DDX11: variants seen among roughly 807,000 people sequenced by gnomAD.
DDX11 encodes the protein DEAD/H-box helicase 11, also known as ATP-dependent DNA helicase DDX11.
Under a neutral mutation model 125.2 loss-of-function variants are expected in DDX11, and 72 were observed. The ratio of observed to expected loss-of-function variants is 0.58; its 90% CI spans 0.48 to 0.70. The LOEUF (loss-of-function observed/expected upper bound fraction) is 0.70. Among genes scored for constraint, DDX11 ranks in the 30% least tolerant of loss-of-function variants. The pLI is 0.00. For synonymous variants in DDX11, 347 were observed against 452.6 expected (o/e 0.77, Z 2.96); for missense variants, 883 against 1,165.0 (o/e 0.76, Z 3.52).
rs1242913571 is a variant in DDX11, at chr12:31,078,159, G to A, written c.-4-231G>A. The A allele has an allele frequency of 3.5e-6, 5 of 1,441,166 alleles. No individual in the cohort carries two copies. In the Admixed American group the frequency reaches 6.2e-5, roughly 18 times the overall value. The allele number at this position is 1,441,166 out of a possible 1,614,324, so 89.3% of individuals were successfully genotyped here. A position where few individuals can be genotyped will look rare whatever the true frequency, so the allele number is the denominator to read the frequency against. On this transcript the variant is annotated intron_variant, in intron 1 of 26. Transcript: ENST00000542838. The stretch of plus-strand genomic sequence containing the variant: ...GGAGATTGGGTTTAGGGGCTTTCCT[G>A]GTCTGCATTCTGCTACAGCCGTTAA...
intron 10 of DDX11, among the ~76,000 whole-genome samples, chr12:31,092,245 C>G (rs2075320): frequency 1.3e-5 from 2 of 151,352 alleles, no homozygotes; most frequent in Non-Finnish European, 2.9e-5. Flanking sequence ...TCAAGATCAG[C>G]GCAGGCTCCT....
Position 31,102,179 on chromosome 12 carries a change from A to C in DDX11, c.2203-64A>C, listed in dbSNP as rs569245331. The C allele has an allele frequency of 1.1e-5, 17 of 1,567,240 alleles. No homozygotes were observed. In the African/African-American group the frequency reaches 2.3e-4, roughly 21 times the overall value. ...TCCCCTGGCCAGAAAACACAAGGCCACGAGCAGACTCGAGACCTGGCACCC... is the reference window on the plus strand; with the variant it reads ...TCCCCTGGCCAGAAAACACAAGGCCCCGAGCAGACTCGAGACCTGGCACCC... On this transcript the variant is annotated intron_variant, in intron 21 of 26. Coordinates refer to ENST00000542838, the MANE Select transcript of DDX11 (RefSeq NM_030653.4).
chr12:31,083,143 A>G (rs1313154026), intron 2 of DDX11, among the ~76,000 whole-genome samples: 1 of 152,098 alleles, frequency 6.6e-6, no homozygotes, highest in Non-Finnish European at 1.5e-5. Flanking sequence ...AGTCAAGGGT[A>G]GTGTTCTCCA....
intron 14 of DDX11, among the ~76,000 whole-genome samples, 170 bp downstream of exon 14, chr12:31,094,992 G>A (rs539777884): frequency 6.6e-6 from 1 of 152,328 alleles, no homozygotes; most frequent in South Asian, 2.1e-4. Flanking sequence ...CTTTTAGAGT[G>A]AAGGCCACAG....
chr12:31,093,646 G>A (rs532620405), intron 12 of DDX11: 31 of 369,220 alleles, frequency 8.4e-5, no homozygotes, highest in African/African-American at 2.1e-4. Flanking sequence ...GCTCAAACCC[G>A]GGAGGCGGAG....
chr12:31,087,801 C>T lies in DDX11; in HGVS notation c.639-137C>T, dbSNP rs569109149. ...GCATTTGCCTGGGGGAGTTTCTGAGCGAGCAGCACCTGCTACCTTGGTGGA... is the reference window on the plus strand; with the variant it reads ...GCATTTGCCTGGGGGAGTTTCTGAGTGAGCAGCACCTGCTACCTTGGTGGA... On this transcript the variant is annotated intron_variant, in intron 5 of 26. Coordinates refer to ENST00000542838, the MANE Select transcript of DDX11 (RefSeq NM_030653.4). 2.7e-5 allele frequency: 39 copies of T among 1,453,334 alleles called. No homozygotes were observed. In the East Asian group the frequency reaches 8.0e-4, roughly 30 times the overall value. 90.0% of individuals were successfully genotyped at this position (1,453,334 alleles called of 1,614,324 possible). A position where few individuals can be genotyped will look rare whatever the true frequency, so the allele number is the denominator to read the frequency against.
At position 31,102,948 on chromosome 12, in the gene DDX11, G is replaced by A; in HGVS notation, c.2385G>A (p.Met795Ile). 3 of 1,613,964 alleles carry A rather than the reference G, an allele frequency of 1.9e-6. No homozygotes were observed. The highest frequency in any genetic ancestry group is 2.5e-6 in the Non-Finnish European group (3 of 1,179,848). The change falls in exon 24 of 27, where the codon ATG becomes ATA. Residue 795 changes from methionine to isoleucine, a missense_variant. Met to Ile is a conservative substitution (Grantham distance 10). This residue lies in a region of DDX11 where 285 missense variants were observed against 346.0 expected (regional missense o/e 0.82). Coordinates refer to ENST00000542838, the MANE Select transcript of DDX11 (RefSeq NM_030653.4). Reference protein sequence around the residue: ...FSDNLGRCVVMVGMPFPNIRS... With the variant: ...FSDNLGRCVVIVGMPFPNIRS... ...CTCCCCCGCCCAGGTGTGTGGTGAT[G>A]GTGGGCATGCCCTTCCCCAACATCA...
chr12:31,093,433 C>G (rs555248588), intron 12 of DDX11, 109 bp downstream of exon 12: 8 of 1,466,798 alleles, frequency 5.5e-6, no homozygotes, highest in Non-Finnish European at 7.5e-6. Context: ...TAAGAAGGGT[C>G]GGCCGGGTGC....
At chr12:31,086,404 A>G (rs574589515) in intron 5 of DDX11, among the ~76,000 whole-genome samples, 1 of 152,138 alleles carries the variant, frequency 6.6e-6, no homozygotes, top group Admixed American at 6.5e-5. Context: ...TCGAGTTGAC[A>G]TGAATGAGCA....
At chr12:31,100,934 G>A (rs1469210280) in intron 19 of DDX11, 93 bp from the exon 20 acceptor site, 9 of 1,274,482 alleles carry the variant, frequency 7.1e-6, no homozygotes, top group Non-Finnish European at 1.0e-5. Flanking sequence ...CGCTGTTCCT[G>A]TGCTGGATGA....
chr12:31,103,183 G>A, intron 24 of DDX11, 134 bp from the exon 25 acceptor site: 2 of 1,365,126 alleles, frequency 1.5e-6, no homozygotes, highest in Non-Finnish European at 2.0e-6. Context: ...TCTTCCCTGT[G>A]ATGTCACCTG....
Position 31,078,461 on chromosome 12 carries a change from A to G in DDX11, c.68A>G (p.Gln23Arg). The change falls in exon 2 of 27, where the codon CAG (glutamine) becomes CGG (arginine). Residue 23 changes from glutamine (Q) to arginine (R), a missense_variant. Coordinates refer to ENST00000542838, the MANE Select transcript of DDX11 (RefSeq NM_030653.4). ...FPFPFTPYSI[Q>R]EDFMAELYRV... ...TTTCCCTTCACACCCTATTCCATCC[A>G]GGAAGACTTCATGGCAGAGCTGTAC... 1 of 1,611,412 alleles carries G rather than the reference A, an allele frequency of 6.2e-7. No homozygotes were observed. The highest frequency in any genetic ancestry group is 1.3e-5 in the African/African-American group (1 of 74,934).
At chr12:31,099,076 C>CTTTATTTTTTTTT (rs1945864738) in intron 18 of DDX11, among the ~76,000 whole-genome samples, 1 of 60,566 alleles carries the variant, frequency 1.7e-5, no homozygotes, top group Non-Finnish European at 3.0e-5. Flanking sequence ...GTATTTCTTT[C>CTTTATTTTTTTTT]TTTCTTTCTT....
rs1219429984 is a variant in DDX11, at chr12:31,091,818, A to C, written c.1189A>C (p.Asn397His). The change falls in exon 10 of 27, where the codon AAC (asparagine) becomes CAC (histidine). Residue 397 changes from asparagine to histidine, a missense_variant. This residue lies in a region of DDX11 where 72 missense variants were observed against 159.7 expected (regional missense o/e 0.45). Transcript: ENST00000542838. ...DQVVIIDEAH[N>H]LIDTITGMHS... is the part of the protein sequence containing the mutation. ...GGTGGTGATCATCGACGAGGCGCAC[A>C]ACCTGATCGACACCATCACGGGCAT... The C allele has an allele frequency of 6.2e-7, 1 of 1,613,800 alleles. No individual in the cohort carries two copies. The highest frequency in any genetic ancestry group is 8.5e-7 in the Non-Finnish European group (1 of 1,179,848).
chr12:31,093,105 T>C, intron 11 of DDX11, 140 bp from the exon 12 acceptor site: 2 of 1,077,616 alleles, frequency 1.9e-6, no homozygotes, highest in Non-Finnish European at 2.8e-6. Context: ...CCTGGGGCCG[T>C]GGCCAGCCTG....
intron 5 of DDX11, chr12:31,086,042 C>T (rs1357007300): frequency 2.2e-6 from 1 of 454,314 alleles, no homozygotes; most frequent in Admixed American, 2.4e-5. Flanking sequence ...TCTGATGCCA[C>T]CTCCAGCCGC....
chr12:31,094,877 T>G (rs1944944730), intron 14 of DDX11, 55 bp downstream of exon 14: 12 of 1,589,950 alleles, frequency 7.5e-6, no homozygotes, highest in South Asian at 3.3e-5. Context: ...TGTCACCACC[T>G]GTGGGTAAAG....
At chr12:31,097,448 G>T (rs548808646) in intron 17 of DDX11, among the ~76,000 whole-genome samples, 2 of 35,040 alleles carry the variant, frequency 5.7e-5, no homozygotes, top group African/African-American at 4.6e-4. Context: ...GGGAGGCTGA[G>T]GGGGGGCGGA....
At chr12:31,084,183 C>A (rs752086347) in intron 3 of DDX11, 122 bp downstream of exon 3, 71 of 1,327,660 alleles carry the variant, frequency 5.3e-5, no homozygotes, top group Non-Finnish European at 7.5e-5. Context: ...CCTCTCAGCT[C>A]TTCCCTCAGC....
Sources: allele counts gnomAD v4.1 joint callset (sites outside exome capture counted in the v4.1 genomes callset), GRCh38; gene constraint gnomAD v4.1.1; regional missense constraint gnomAD v4.1.1; transcripts MANE v1.5; gene names NCBI Gene and HGNC (gene_info 2026-07-23, HGNC 2026-07-21).